Variants in GYS1 observed in about 807,000 individuals in gnomAD.
GYS1 encodes glycogen synthase 1.
In GYS1, 60 loss-of-function variants were observed where a neutral mutation model predicts 89.1. The ratio of observed to expected loss-of-function variants is 0.67; its 90% CI spans 0.55 to 0.84. The LOEUF (loss-of-function observed/expected upper bound fraction) is 0.84, where lower values mean the gene tolerates loss of function less well. Ranked by LOEUF, GYS1 falls within the 40% of genes least tolerant of loss-of-function variation. GYS1 has a pLI of 0.00. For synonymous variants in GYS1, 366 were observed against 401.7 expected (o/e 0.91, Z 1.06); for missense variants, 888 against 1,003.1 (o/e 0.89, Z 1.55).
In GYS1 at chr19:48,991,262, C is replaced by A. The variant is rs774982416; in HGVS notation, c.300+40G>T. The stretch of plus-strand genomic sequence containing the variant: ...CTGTGGCTCCCACCCCGATGGCAGG[C>A]TGTCCACCCGCTTCTGCCCTGGGCT... On this transcript the variant is annotated intron_variant, in intron 2 of 15. Coordinates refer to ENST00000323798, the MANE Select transcript of GYS1 (RefSeq NM_002103.5). The surrounding 1 kb of genome is among the most constrained non-coding windows in gnomAD (Gnocchi z 4.7). 5.6e-6 allele frequency: 9 copies of A among 1,601,638 alleles called. No homozygotes were observed. Among genetic ancestry groups the A allele is most frequent in the Non-Finnish European group, 7.7e-6 (9 of 1,171,510 alleles).
chr19:48,974,778 GA>G (rs2038619568), intron 10 of GYS1, 45 bp from the exon 11 acceptor site: 1 of 1,331,594 alleles, frequency 7.5e-7, no homozygotes, highest in Admixed American at 1.7e-5. Flanking sequence ...AAGGGACAGA[GA>G]ACTCCCTACT....
chr19:48,985,603 G>C lies in GYS1; in HGVS notation c.681C>G (p.Phe227Leu). The C allele has an allele frequency of 6.2e-7, 1 of 1,614,092 alleles. No homozygotes were observed. The highest frequency in any genetic ancestry group is 8.5e-7 in the Non-Finnish European group (1 of 1,179,994). Residue 227 changes from phenylalanine (F) to leucine (L), a missense_variant and splice_region_variant, in exon 5 of 16, where the codon TTC becomes TTG. By Grantham distance (22) the Phe-to-Leu change is conservative. Transcript: ENST00000323798. ...AVDFYNNLENFNVDKEAGERQ... is the reference protein window; with the variant it reads ...AVDFYNNLENLNVDKEAGERQ... ...TCTCCCCTGCTTCCTTGTCCACGTT[G>C]AACTGGGTGGGAGGGGACAGCAGTC...
rs111659436 is a variant in GYS1 at position 48,978,246 on chromosome 19, A to G, written c.1170-89T>C. 5.1e-3 allele frequency: 6,035 copies of G among 1,190,942 alleles called. 195 individuals are homozygous for G. The African/African-American group carries it at 0.07, about 14-fold the overall frequency. The allele number at this position is 1,190,942 out of a possible 1,614,324, so 73.8% of individuals were successfully genotyped here. On this transcript the variant is annotated intron_variant, in intron 8 of 15. Coordinates refer to ENST00000323798, the MANE Select transcript of GYS1 (RefSeq NM_002103.5). ...AGTTAGTTTGTTTGTTTATTTTGAG[A>G]CGGAGTTTGGCTCTTGTTGCCCAGG...
intron 12 of GYS1, among the ~76,000 whole-genome samples, chr19:48,971,925 G>C (rs2122466170): frequency 6.8e-6 from 1 of 147,470 alleles, no homozygotes; most frequent in South Asian, 2.1e-4. Flanking sequence ...ACAGTGGCTT[G>C]ATCATAGCTC....
rs1028711067 is a variant in GYS1, at chr19:48,969,166, G to T, written c.*122C>A. The T allele has an allele frequency of 4.7e-6, 4 of 855,598 alleles. No individual in the cohort carries two copies. The African/African-American group carries it at 6.8e-5, about 14-fold the overall frequency. The allele number at this position is 855,598 out of a possible 1,614,324, so 53.0% of individuals were successfully genotyped here. On this transcript the variant is annotated 3_prime_UTR_variant, in exon 16 of 16. Transcript: ENST00000323798. Reference sequence around the variant, plus strand: ...GGGGGTGGAGTGTTTGGCGGACTGGGTGGGGGCACTGCGGGGCCACACCCA... The same window carrying T: ...GGGGGTGGAGTGTTTGGCGGACTGGTTGGGGGCACTGCGGGGCCACACCCA...
At chr19:48,980,680 G>C (rs1568621441) in intron 8 of GYS1, among the ~76,000 whole-genome samples, 1 of 150,472 alleles carries the variant, frequency 6.6e-6, no homozygotes, top group Non-Finnish European at 1.5e-5. Context: ...AAAAATCAGA[G>C]AAAAGAAAAA....
chr19:48,982,411 C>T (rs1056789691), intron 6 of GYS1, 36 bp from the exon 7 acceptor site: 2 of 1,613,232 alleles, frequency 1.2e-6, no homozygotes, highest in South Asian at 1.1e-5. Context: ...AGCCCAAAGC[C>T]CTCACCCGCT....
At chr19:48,969,673 C>G (rs1050254711) in intron 15 of GYS1, 62 bp from the exon 16 acceptor site, 6 of 1,573,276 alleles carry the variant, frequency 3.8e-6, no homozygotes, top group South Asian at 1.1e-5. Context: ...CCCACCCAGG[C>G]ATCCAGCCAC....
chr19:48,991,208 TG>T lies in GYS1; in HGVS notation c.300+93del. The T allele has an allele frequency of 1.5e-6, 2 of 1,347,436 alleles. No individual in the cohort carries two copies. Among genetic ancestry groups the T allele is most frequent in the Non-Finnish European group, 2.1e-6 (2 of 947,388 alleles). The allele number at this position is 1,347,436 out of a possible 1,614,324, so 83.5% of individuals were successfully genotyped here. A position where few individuals can be genotyped will look rare whatever the true frequency, so the allele number is the denominator to read the frequency against. ...GTCCAAGCCTGCCTCGCTCTCTGGC[TG>T]GGGCTGTCCACCCTGCACCCTCTCC... On this transcript the variant is annotated intron_variant, in intron 2 of 15. Transcript: ENST00000323798. The surrounding 1 kb of genome is among the most constrained non-coding windows in gnomAD (Gnocchi z 4.7).
chr19:48,970,986 G>A lies in GYS1; in HGVS notation c.1587C>T (p.Thr529=), dbSNP rs1181780987. The change falls in exon 13 of 16, where the codon ACC becomes ACT. Residue 529 remains threonine (T), a synonymous_variant. Transcript: ENST00000323798. The part of the protein sequence containing the change: ...CTVMGIPSIS[T]NLSGFGCFME... ...TGAAGCAGCCGAAGCCGGAGAGATT[G>A]GTGGAGATACTGGGGATTCCCATAA... The A allele has an allele frequency of 6.2e-7, 1 of 1,613,934 alleles. No homozygotes were observed. Among genetic ancestry groups the A allele is most frequent in the Non-Finnish European group, 8.5e-7 (1 of 1,179,922 alleles).
intron 14 of GYS1, 29 bp from the exon 15 acceptor site, chr19:48,969,884 G>A (rs759941206): frequency 7.8e-6 from 12 of 1,544,160 alleles, no homozygotes; most frequent in Admixed American, 3.3e-5. Flanking sequence ...GGGGGCAGAG[G>A]ATGTGAGAGC....
At position 48,974,106 on chromosome 19, in the gene GYS1, T is replaced by A. The variant is rs1292491587; in HGVS notation, c.1549+107A>T. On this transcript the variant is annotated intron_variant, in intron 12 of 15. Transcript: ENST00000323798. ...AACAGGTGATTACCATTGTTCCTGT[T>A]TTGCAAAGAAGGCAACAGGCTCAGA... The A allele has an allele frequency of 2.5e-6, 3 of 1,216,498 alleles. No individual in the cohort carries two copies. In the African/African-American group the frequency reaches 4.5e-5, roughly 18 times the overall value. The allele number at this position is 1,216,498 out of a possible 1,614,324, so 75.4% of individuals were successfully genotyped here.
At chr19:48,970,229 A>AC (rs3837952) in intron 14 of GYS1, 166,758 of 455,152 alleles carry the variant, frequency 0.37, 31,749 homozygotes, top group Middle Eastern at 0.48. Flanking sequence ...GGCTCAAGCG[A>AC]CCCTACCACC....
At chr19:48,986,976 C>T (rs544946824) in intron 3 of GYS1, among the ~76,000 whole-genome samples, 2 of 152,182 alleles carry the variant, frequency 1.3e-5, no homozygotes, top group African/African-American at 2.4e-5. Flanking sequence ...AGGCTGATTC[C>T]AAGAATCCCT....
intron 15 of GYS1, 47 bp downstream of exon 15, chr19:48,969,728 C>T: frequency 6.3e-7 from 1 of 1,595,768 alleles, no homozygotes; most frequent in Non-Finnish European, 8.6e-7. Flanking sequence ...CCCACCGAAG[C>T]CCAGCCCTTT....
Position 48,982,264 on chromosome 19 carries a change from A to AT in GYS1, c.1052dup (p.Tyr351Ter). Residue 351 changes from tyrosine to a stop codon, truncating the protein, a stop_gained and frameshift_variant, in exon 7 of 16, where the codon TAT (tyrosine) becomes TAAT (stop). Transcript: ENST00000323798. LOFTEE classifies it high-confidence loss of function. ...VFLEALARLN[Y>*]LLRVNGSEQT... The stretch of plus-strand genomic sequence containing the variant: ...ATAGCCCAGGCCTCACTCTGAGCAG[A>AT]TAGTTGAGCCGAGCCAATGCCTCCA... 6.2e-7 allele frequency: 1 copy of AT among 1,613,640 alleles called. No individual in the cohort carries two copies. The highest frequency in any genetic ancestry group is 8.5e-7 in the Non-Finnish European group (1 of 1,179,818).
Position 48,987,380 on chromosome 19 carries a change from A to G in GYS1, c.306T>C (p.Tyr102=), listed in dbSNP as rs2038859150. 2 of 1,599,514 alleles carry G rather than the reference A, an allele frequency of 1.3e-6. No individual in the cohort carries two copies. Among genetic ancestry groups the G allele is most frequent in the Non-Finnish European group, 1.7e-6 (2 of 1,172,216 alleles). ...DSMNSKGCKV[Y]FGRWLIEGGP... ...CTCCCTCGATCAGCCAGCGCCCGAAATACACCTGGGATGGGGTTGGGGAGG... is the reference window on the plus strand; with the variant it reads ...CTCCCTCGATCAGCCAGCGCCCGAAGTACACCTGGGATGGGGTTGGGGAGG... The change falls in exon 3 of 16, where the codon TAT becomes TAC. Residue 102 remains tyrosine (Y), a synonymous_variant. Coordinates refer to ENST00000323798, the MANE Select transcript of GYS1 (RefSeq NM_002103.5).
At chr19:48,971,888 G>T (rs950671576) in intron 12 of GYS1, among the ~76,000 whole-genome samples, 1 of 149,276 alleles carries the variant, frequency 6.7e-6, no homozygotes, top group Admixed American at 6.7e-5. Context: ...TCGAGACAAG[G>T]TCTCACTTTA....
At chr19:48,987,423 G>T in intron 2 of GYS1, 38 bp from the exon 3 acceptor site, 2 of 1,493,848 alleles carry the variant, frequency 1.3e-6, no homozygotes, top group East Asian at 2.4e-5. Context: ...GGGAGGCTCT[G>T]GGCTTCAGCC....
Sources: gnomAD v4.1 joint callset for allele counts (sites outside exome capture counted in the v4.1 genomes callset) on GRCh38, gnomAD v4.1.1 for gene constraint, Gnocchi (gnomAD v3.1) non-coding constraint, MANE v1.5 for transcripts, NCBI Gene and HGNC (gene_info 2026-07-23, HGNC 2026-07-21) for gene names.